The following ITGB8 variants were observed in gnomAD, a reference collection of about 807,000 sequenced individuals.
ITGB8 encodes the protein integrin beta-8.
A neutral mutation model predicts 89.5 loss-of-function variants in ITGB8; 30 were observed. The observed-to-expected ratio is 0.34, with a 90% CI of 0.25 to 0.45. ITGB8 has a LOEUF of 0.45. Among genes scored for constraint, ITGB8 ranks in the 20% least tolerant of loss-of-function variants. The pLI is 1.00. For synonymous variants in ITGB8, 335 were observed against 320.4 expected, an observed-to-expected ratio of 1.05 and a Z score of -0.49; for missense variants, 836 against 933.3, an observed-to-expected ratio of 0.90 and a Z score of 1.36.
chr7:20,356,348 G>T (rs1437808670), intron 1 of ITGB8, among the ~76,000 whole-genome samples: 1 of 152,090 alleles, frequency 6.6e-6, no homozygotes, highest in Non-Finnish European at 1.5e-5. Flanking sequence ...GCAAAAGAGA[G>T]ATTCAGTAAT....
intron 3 of ITGB8, among the ~76,000 whole-genome samples, chr7:20,378,750 A>G (rs1786256755): frequency 6.6e-6 from 1 of 152,024 alleles, no homozygotes; most frequent in Non-Finnish European, 1.5e-5. Context: ...ATGATACAAT[A>G]CCCTGTTACA....
At chr7:20,337,385 T>A (rs1159485981) in intron 1 of ITGB8, among the ~76,000 whole-genome samples, 3 of 152,174 alleles carry the variant, frequency 2.0e-5, no homozygotes, top group African/African-American at 7.2e-5. Context: ...GACTATTCAT[T>A]CAGACTTTCT....
chr7:20,381,581 C>A, intron 5 of ITGB8, 146 bp from the exon 6 acceptor site: 2 of 559,756 alleles, frequency 3.6e-6, no homozygotes, highest in East Asian at 3.0e-5. Flanking sequence ...AAAGTTAAAG[C>A]TATTTACGCA....
intron 3 of ITGB8, among the ~76,000 whole-genome samples, chr7:20,376,883 T>C (rs1480570975): frequency 6.6e-6 from 1 of 152,228 alleles, no homozygotes; most frequent in African/African-American, 2.4e-5. Context: ...CTGACTCCGG[T>C]ATACGTGCTA....
At chr7:20,393,655 T>A (rs1562693690) in intron 7 of ITGB8, among the ~76,000 whole-genome samples, 1 of 152,174 alleles carries the variant, frequency 6.6e-6, no homozygotes, top group Non-Finnish European at 1.5e-5. Flanking sequence ...ATGCTTCTCA[T>A]CCCTCCAGCC....
At chr7:20,374,111 G>C (rs892427384) in intron 3 of ITGB8, among the ~76,000 whole-genome samples, 4 of 152,096 alleles carry the variant, frequency 2.6e-5, no homozygotes, top group South Asian at 2.1e-4. Flanking sequence ...AGCTTTCCTG[G>C]AGATAATATA....
intron 7 of ITGB8, 48 bp from the exon 8 acceptor site, chr7:20,394,848 C>A: frequency 8.0e-7 from 1 of 1,242,470 alleles, no homozygotes; most frequent in Non-Finnish European, 1.2e-6. Flanking sequence ...GTTGCTAACC[C>A]ATTACATACT....
At chr7:20,405,567 C>T (rs965462642) in intron 11 of ITGB8, among the ~76,000 whole-genome samples, 3 of 151,840 alleles carry the variant, frequency 2.0e-5, no homozygotes, top group African/African-American at 7.3e-5. Flanking sequence ...ATCCACCCAC[C>T]TCGGCCTCCC....
intron 6 of ITGB8, among the ~76,000 whole-genome samples, chr7:20,382,507 T>G (rs147417190): frequency 1.2e-4 from 19 of 152,340 alleles, no homozygotes; most frequent in African/African-American, 4.6e-4. Flanking sequence ...CTAATTCTAG[T>G]TGTGAAGAAT....
chr7:20,399,233 T>C (rs1787209382), intron 9 of ITGB8, among the ~76,000 whole-genome samples: 1 of 152,146 alleles, frequency 6.6e-6, no homozygotes, highest in South Asian at 2.1e-4. Context: ...GTGTGTAATA[T>C]GAAACAATCA....
intron 3 of ITGB8, among the ~76,000 whole-genome samples, chr7:20,368,389 T>C (rs1253112602): frequency 1.3e-5 from 2 of 152,188 alleles, no homozygotes; most frequent in Admixed American, 6.6e-5. Flanking sequence ...CTAATTCCAG[T>C]TGAATACATC....
chr7:20,380,874 C>T (rs765018522), intron 5 of ITGB8, 43 bp downstream of exon 5: 11 of 1,516,734 alleles, frequency 7.3e-6, no homozygotes, highest in Non-Finnish European at 9.9e-6. Flanking sequence ...AGATGCCAAA[C>T]TTTCAAAGAA....
At chr7:20,382,369 CT>C (rs1309486519) in intron 6 of ITGB8, among the ~76,000 whole-genome samples, 3 of 152,174 alleles carry the variant, frequency 2.0e-5, no homozygotes, top group African/African-American at 7.2e-5. Context: ...CTTTACCTCT[CT>C]GCATCTTATC....
intron 3 of ITGB8, among the ~76,000 whole-genome samples, chr7:20,375,062 T>C (rs1449111656): frequency 6.6e-6 from 1 of 152,158 alleles, no homozygotes; most frequent in Non-Finnish European, 1.5e-5. Flanking sequence ...ACTTGATGAA[T>C]AATAGGTAAG....
At chr7:20,403,787 G>GA in intron 10 of ITGB8, among the ~76,000 whole-genome samples, 1 of 151,864 alleles carries the variant, frequency 6.6e-6, no homozygotes. Flanking sequence ...AGGAAGGAAG[G>GA]GAGAGGGAGA....
At chr7:20,366,133 A>G (rs1785686492) in intron 2 of ITGB8, 1 of 152,206 alleles carries the variant, frequency 6.6e-6, no homozygotes, top group Non-Finnish European at 1.5e-5. Flanking sequence ...AGCATCATCA[A>G]TATTACCTAG....
At chr7:20,341,406 G>A (rs1784750074) in intron 1 of ITGB8, among the ~76,000 whole-genome samples, 1 of 152,190 alleles carries the variant, frequency 6.6e-6, no homozygotes, top group African/African-American at 2.4e-5. Flanking sequence ...GAGTGTGTCA[G>A]TCACTACCAG....
chr7:20,402,160 G>T (rs1210178642), intron 10 of ITGB8, 34 bp downstream of exon 10: 1 of 1,528,950 alleles, frequency 6.5e-7, no homozygotes, highest in Non-Finnish European at 8.8e-7. Flanking sequence ...GCTTTTACTT[G>T]TCACTATTAC....
rs1787793044 is a variant in ITGB8 at position 20,412,378 on chromosome 7, T to C, written c.*2381T>C. 6.6e-6 allele frequency: 1 copy of C among 152,542 alleles called. No individual in the cohort carries two copies. Among genetic ancestry groups the C allele is most frequent in the African/African-American group, 2.4e-5 (1 of 41,452 alleles). The allele number at this position is 152,542 out of a possible 1,614,324, so 9.4% of individuals were successfully genotyped here. The stretch of plus-strand genomic sequence containing the variant: ...CTTCTTAAAAAGGAAAATGGATGGA[T>C]GCCTGACAACCCTCCAAAAGAAAAA... On this transcript the variant is annotated 3_prime_UTR_variant, in exon 14 of 14. Transcript: ENST00000222573.
Sources: gnomAD v4.1 joint callset for allele counts (sites outside exome capture counted in the v4.1 genomes callset) on GRCh38, gnomAD v4.1.1 for gene constraint, MANE v1.5 for transcripts, NCBI Gene and HGNC (gene_info 2026-07-23, HGNC 2026-07-21) for gene names.